Variants in AGBL4 observed in about 807,000 individuals in gnomAD.
AGBL4 encodes cytosolic carboxypeptidase 6.
A neutral mutation model predicts 66.4 loss-of-function variants in AGBL4; 58 were observed. The observed-to-expected ratio is 0.87, with a 90% CI of 0.71 to 1.09. The LOEUF (loss-of-function observed/expected upper bound fraction) is 1.09. Ranked by LOEUF, AGBL4 falls within the 50% of genes least tolerant of loss-of-function variation. The pLI, the probability that AGBL4 is intolerant of heterozygous loss-of-function variation, is 0.00. For synonymous variants in AGBL4, 234 were observed against 222.9 expected (o/e 1.05, Z -0.44); for missense variants, 579 against 631.0 (o/e 0.92, Z 0.88).
chr1:49,988,452 G>A (rs1028874901), intron 1 of AGBL4, among the ~76,000 whole-genome samples: 2 of 152,148 alleles, frequency 1.3e-5, no homozygotes, highest in African/African-American at 4.8e-5. Context: ...AGCTGCAATA[G>A]AGAGTGCTAG....
intron 4 of AGBL4, among the ~76,000 whole-genome samples, chr1:49,176,001 A>G (rs1426269288): frequency 1.3e-5 from 2 of 152,188 alleles, no homozygotes; most frequent in African/African-American, 4.8e-5. Flanking sequence ...CTGCCCATAC[A>G]ATTATATACA....
chr1:49,471,644 G>C (rs1428728691), intron 3 of AGBL4, among the ~76,000 whole-genome samples: 2 of 151,830 alleles, frequency 1.3e-5, no homozygotes, highest in Non-Finnish European at 2.9e-5. Flanking sequence ...TGAAATGCCA[G>C]TAGGTACAAA....
rs1646683022 is a variant in AGBL4 at position 49,681,010 on chromosome 1, T to A, written c.282+16303A>T. ...GTCCTCCCCATTCTATTGAGCACATTCACTGAGTTTTTCTTTCATTTATTG... is the reference window on the plus strand; with the variant it reads ...GTCCTCCCCATTCTATTGAGCACATACACTGAGTTTTTCTTTCATTTATTG... On this transcript the variant is annotated intron_variant, in intron 3 of 13. Transcript: ENST00000371839. Among the ~76,000 whole-genome samples the A allele has an allele frequency of 2.0e-5, 3 of 152,138 alleles. No individual in the cohort carries two copies. The South Asian group carries it at 6.2e-4, about 32-fold the overall frequency.
At chr1:49,236,919 A>T (rs1650798293) in intron 4 of AGBL4, among the ~76,000 whole-genome samples, 1 of 151,988 alleles carries the variant, frequency 6.6e-6, no homozygotes, top group Admixed American at 6.6e-5. Flanking sequence ...TCATGGGGTG[A>T]GACTTTCCTG....
Position 49,541,658 on chromosome 1 carries a change from G to A in AGBL4, c.282+155655C>T, listed in dbSNP as rs921226432. 2.0e-4 allele frequency among the ~76,000 whole-genome samples: 30 copies of A among 152,234 alleles called. No homozygotes were observed. In the East Asian group the frequency reaches 2.3e-3, roughly 12 times the overall value. On this transcript the variant is annotated intron_variant, in intron 3 of 13. Coordinates refer to ENST00000371839, the MANE Select transcript of AGBL4 (RefSeq NM_032785.4). ...TGCAGCCCCAGCCTCCCCAAGGAGCGCTGCCCCCTGCTCCACAGCGCCTGG... is the reference window on the plus strand; with the variant it reads ...TGCAGCCCCAGCCTCCCCAAGGAGCACTGCCCCCTGCTCCACAGCGCCTGG...
At chr1:49,488,291 T>C (rs1271846625) in intron 3 of AGBL4, among the ~76,000 whole-genome samples, 2 of 151,684 alleles carry the variant, frequency 1.3e-5, no homozygotes, top group Non-Finnish European at 2.9e-5. Flanking sequence ...TGTCCACATA[T>C]TTTTGTATTT....
At chr1:48,835,643 A>G (rs1646654571) in intron 6 of AGBL4, among the ~76,000 whole-genome samples, 1 of 152,196 alleles carries the variant, frequency 6.6e-6, no homozygotes, top group African/African-American at 2.4e-5. Context: ...TCAGGGGTCT[A>G]TAATCTTAAT....
intron 5 of AGBL4, among the ~76,000 whole-genome samples, chr1:49,012,170 C>T (rs963937109): frequency 6.6e-6 from 1 of 151,962 alleles, no homozygotes; most frequent in Non-Finnish European, 1.5e-5. Context: ...GTGTGGAGGC[C>T]GTTCAGAGTA....
Position 49,056,537 on chromosome 1 carries a change from T to C in AGBL4, c.378-10737A>G, listed in dbSNP as rs150160936. Among the ~76,000 whole-genome samples the C allele has an allele frequency of 1.6e-3, 240 of 152,050 alleles. 4 individuals are homozygous for C. Among genetic ancestry groups the C allele is most frequent in the African/African-American group, 5.6e-3 (233 of 41,480 alleles). The stretch of plus-strand genomic sequence containing the variant: ...ATAAAGGTCCAAGGGCAGAAATAAG[T>C]TTTTGTGTCTCTAGGAATGGTAAGA... On this transcript the variant is annotated intron_variant, in intron 4 of 13. Coordinates refer to ENST00000371839, the MANE Select transcript of AGBL4 (RefSeq NM_032785.4).
intron 5 of AGBL4, among the ~76,000 whole-genome samples, chr1:48,875,808 G>T (rs1649164691): frequency 6.6e-6 from 1 of 152,178 alleles, no homozygotes; most frequent in Admixed American, 6.5e-5. Context: ...TTTGAGGCAG[G>T]TATTGTTGCC....
At chr1:48,628,444 T>C (rs569842255) in intron 9 of AGBL4, among the ~76,000 whole-genome samples, 60 of 142,286 alleles carry the variant, frequency 4.2e-4, no homozygotes, top group Admixed American at 3.4e-3. Flanking sequence ...CTTGCTTTGA[T>C]TTTTTTTTTA....
chr1:48,669,722 T>C (rs1646245961), intron 6 of AGBL4, among the ~76,000 whole-genome samples: 1 of 152,170 alleles, frequency 6.6e-6, no homozygotes, highest in African/African-American at 2.4e-5. Flanking sequence ...GTTCACTGTC[T>C]GGACCCTCAT....
intron 4 of AGBL4, among the ~76,000 whole-genome samples, chr1:49,121,267 T>A (rs1569676568): frequency 6.6e-6 from 1 of 152,330 alleles, no homozygotes; most frequent in Middle Eastern, 3.4e-3. Flanking sequence ...GGAGCTGCAA[T>A]CCTTTGGAGG....
Position 49,207,006 on chromosome 1 carries a change from G to A in AGBL4, c.377+38764C>T, listed in dbSNP as rs148598538. On this transcript the variant is annotated intron_variant, in intron 4 of 13. Transcript: ENST00000371839. ...TTTTTCCGCTTGATTCCCCAATCTG[G>A]GGAGAGCTTATGATCTCAAGATGAA... Among the ~76,000 whole-genome samples the A allele has an allele frequency of 3.7e-3, 570 of 152,102 alleles. 3 individuals are homozygous for A. Among genetic ancestry groups the A allele is most frequent in the African/African-American group, 0.014 (561 of 41,500 alleles).
At chr1:49,706,996 G>A (rs1487574683) in intron 2 of AGBL4, among the ~76,000 whole-genome samples, 1 of 152,176 alleles carries the variant, frequency 6.6e-6, no homozygotes, top group Non-Finnish European at 1.5e-5. Flanking sequence ...ACTGTTATGT[G>A]GTGCTGAGAA....
At chr1:49,560,248 A>G (rs935754660) in intron 3 of AGBL4, among the ~76,000 whole-genome samples, 1 of 152,178 alleles carries the variant, frequency 6.6e-6, no homozygotes, top group Non-Finnish European at 1.5e-5. Flanking sequence ...AAAAATCAGA[A>G]TTTCATCAGA....
chr1:48,833,844 A>G (rs1478839072), intron 6 of AGBL4, among the ~76,000 whole-genome samples: 1 of 152,162 alleles, frequency 6.6e-6, no homozygotes, highest in Non-Finnish European at 1.5e-5. Flanking sequence ...AAAAAAGGGG[A>G]AGATTGACAC....
At chr1:48,993,893 T>C (rs986441916) in intron 5 of AGBL4, among the ~76,000 whole-genome samples, 1 of 152,224 alleles carries the variant, frequency 6.6e-6, no homozygotes, top group Non-Finnish European at 1.5e-5. Context: ...CAATTCAAGA[T>C]GGTATTTCCT....
At chr1:49,323,321 C>T (rs1645163446) in intron 3 of AGBL4, among the ~76,000 whole-genome samples, 1 of 151,958 alleles carries the variant, frequency 6.6e-6, no homozygotes, top group Non-Finnish European at 1.5e-5. Flanking sequence ...CTTGCTCTGC[C>T]GCCAGGCTGG....
Sources: allele counts gnomAD v4.1 joint callset (sites outside exome capture counted in the v4.1 genomes callset), GRCh38; gene constraint gnomAD v4.1.1; transcripts MANE v1.5; gene names NCBI Gene and HGNC (gene_info 2026-07-23, HGNC 2026-07-21).